ATAD3B: variants seen among roughly 807,000 people sequenced by gnomAD.
The protein encoded by ATAD3B is ATPase family AAA domain containing 3B, also known as ATPase family AAA domain-containing protein 3B.
ATAD3B carries 59 observed loss-of-function variants against 70.2 expected under a neutral mutation model. That is an observed-to-expected ratio of 0.84 (90% CI 0.68 to 1.04). The LOEUF (loss-of-function observed/expected upper bound fraction) is 1.04, where lower values mean the gene tolerates loss of function less well. Among genes scored for constraint, ATAD3B ranks in the 50% least tolerant of loss-of-function variants. The pLI is 0.00. For missense variants in ATAD3B, 961 were observed against 913.4 expected, an observed-to-expected ratio of 1.05 and a Z score of -0.67; for synonymous variants, 423 against 388.6, an observed-to-expected ratio of 1.09 and a Z score of -1.04.
intron 15 of ATAD3B, 132 bp from the exon 16 acceptor site, chr1:1,495,353 G>A (rs532472358): frequency 2.8e-5 from 36 of 1,272,946 alleles, no homozygotes; most frequent in Middle Eastern, 2.4e-4. Context: ...CCAAGGTGTG[G>A]GAAGCCTGTG....
Position 1,490,204 on chromosome 1 carries a change from G to A in ATAD3B, c.1338-53G>A, listed in dbSNP as rs146676843. 1.9e-3 allele frequency: 3,092 copies of A among 1,590,580 alleles called. 56 individuals are homozygous for A. The African/African-American group carries it at 0.036, about 19-fold the overall frequency. ...GGGCTGAGGAGCCCCCGTTGCCCTCGGGGCATCTCAGCTGGCAGCCCCAGC... is the reference window on the plus strand; with the variant it reads ...GGGCTGAGGAGCCCCCGTTGCCCTCAGGGCATCTCAGCTGGCAGCCCCAGC... On this transcript the variant is annotated intron_variant, in intron 13 of 15. Transcript: ENST00000673477.
At position 1,486,210 on chromosome 1, in the gene ATAD3B, G is replaced by A. The variant is rs933790079; in HGVS notation, c.1064G>A (p.Gly355Asp). The A allele has an allele frequency of 6.2e-7, 1 of 1,613,074 alleles. No homozygotes were observed. Among genetic ancestry groups the A allele is most frequent in the Non-Finnish European group, 8.5e-7 (1 of 1,179,652 alleles). The stretch of plus-strand genomic sequence containing the variant: ...CACATCCTGCTGTATGGGCCACCAG[G>A]CACCGGGAAGACGCTGTTTGCCAAG... ...YRHILLYGPP[G>D]TGKTLFAKKL... is the part of the protein sequence containing the mutation. The change falls in exon 10 of 16, where the codon GGC (glycine) becomes GAC (aspartate). Residue 355 changes from glycine to aspartate, a missense_variant. Physicochemically the swap from Gly to Asp is moderately conservative, Grantham distance 94. Coordinates refer to ENST00000673477, the MANE Select transcript of ATAD3B (RefSeq NM_031921.6).
chr1:1,503,360 C>G, the ATAD3B span: 46 of 538,828 alleles, frequency 8.5e-5, no homozygotes, highest in South Asian at 6.3e-5. Flanking sequence ...CTCTCCAAGA[C>G]CATCCCTGGA....
intron 11 of ATAD3B, among the ~76,000 whole-genome samples, chr1:1,487,545 G>A (rs1011509160): frequency 1.3e-4 from 20 of 151,714 alleles, no homozygotes; most frequent in Non-Finnish European, 2.7e-4. Flanking sequence ...GCACTGGGTC[G>A]CTGTGTGGGT....
intron 15 of ATAD3B, among the ~76,000 whole-genome samples, chr1:1,493,154 C>T (rs1477595348): frequency 6.6e-6 from 1 of 151,882 alleles, no homozygotes; most frequent in Non-Finnish European, 1.5e-5. Context: ...CACGGTGGCT[C>T]TTACATGTAG....
chr1:1,487,495 A>C (rs1640286409), intron 11 of ATAD3B, among the ~76,000 whole-genome samples: 2 of 151,568 alleles, frequency 1.3e-5, no homozygotes, highest in South Asian at 4.2e-4. Context: ...CTCAAAAAAA[A>C]AAAAAAAGAC....
intron 1 of ATAD3B, among the ~76,000 whole-genome samples, chr1:1,473,990 A>G (rs140237531): frequency 0.018 from 2,666 of 152,002 alleles, 62 homozygotes; most frequent in African/African-American, 0.029. Context: ...CCAGAGGGAC[A>G]TTCAGGTTTG....
At chr1:1,477,669 A>C (rs904218896) in intron 2 of ATAD3B, among the ~76,000 whole-genome samples, 1 of 148,692 alleles carries the variant, frequency 6.7e-6, no homozygotes, top group African/African-American at 2.6e-5. Flanking sequence ...CTTTTCACTC[A>C]GCAGGATTTT....
At chr1:1,490,085 G>A in intron 13 of ATAD3B, 172 bp from the exon 14 acceptor site, 1 of 1,422,748 alleles carries the variant, frequency 7.0e-7, no homozygotes, top group Non-Finnish European at 9.2e-7. Flanking sequence ...GGTGGGGCAG[G>A]CAGGCGGGTG....
At chr1:1,504,396 T>C in the ATAD3B span, among the ~76,000 whole-genome samples, 192 of 152,018 alleles carry the variant, frequency 1.3e-3, no homozygotes, top group Non-Finnish European at 2.1e-3. Context: ...ACACCTGTAA[T>C]CTCAGCTCTT....
the ATAD3B span, among the ~76,000 whole-genome samples, chr1:1,507,823 A>C: frequency 6.6e-6 from 1 of 152,212 alleles, no homozygotes; most frequent in Non-Finnish European, 1.5e-5. Context: ...CAACTTTTAC[A>C]GCTTGGAGAT....
At chr1:1,486,070 G>A in intron 9 of ATAD3B, 40 bp from the exon 10 acceptor site, 2 of 1,612,560 alleles carry the variant, frequency 1.2e-6, no homozygotes, top group Non-Finnish European at 1.7e-6. Flanking sequence ...GCTTCCGTGG[G>A]TGCAGAGTGT....
At chr1:1,501,497 C>T (rs865859912), downstream of ATAD3B, among the ~76,000 whole-genome samples, 8 of 152,032 alleles carry the variant, frequency 5.3e-5, no homozygotes, top group South Asian at 2.1e-4. Context: ...CTTCGTGATC[C>T]GCCCGCCTCG....
chr1:1,487,423 G>A (rs950400847), intron 11 of ATAD3B, among the ~76,000 whole-genome samples: 2 of 151,102 alleles, frequency 1.3e-5, no homozygotes, highest in East Asian at 2.0e-4. Context: ...GGGAGGCAGA[G>A]CCTGCAGTGA....
intron 1 of ATAD3B, among the ~76,000 whole-genome samples, chr1:1,475,193 G>A (rs1048848015): frequency 1.3e-5 from 2 of 149,884 alleles, no homozygotes; most frequent in African/African-American, 5.0e-5. Flanking sequence ...AGCGGGGCCC[G>A]GGGCAGGGTC....
chr1:1,499,117 G>C (rs1640884771), downstream of ATAD3B, among the ~76,000 whole-genome samples: 1 of 151,632 alleles, frequency 6.6e-6, no homozygotes, highest in African/African-American at 2.4e-5. Flanking sequence ...GACCACAGGT[G>C]CCCGCCACCA....
chr1:1,479,039 T>G lies in ATAD3B; in HGVS notation c.385-10T>G, dbSNP rs1330647613. 1.7e-6 allele frequency: 2 copies of G among 1,188,936 alleles called. No homozygotes were observed. The highest frequency in any genetic ancestry group is 2.3e-6 in the Non-Finnish European group (2 of 860,340). The allele number at this position is 1,188,936 out of a possible 1,614,324, so 73.6% of individuals were successfully genotyped here. A position where few individuals can be genotyped will look rare whatever the true frequency, so the allele number is the denominator to read the frequency against. ...CTGAGATGTGTCTTTGCCGCCCTCTTCTCCCCCAGAGGGCCCAGTATCAAG... is the reference window on the plus strand; with the variant it reads ...CTGAGATGTGTCTTTGCCGCCCTCTGCTCCCCCAGAGGGCCCAGTATCAAG... On this transcript the variant is annotated splice_polypyrimidine_tract_variant and intron_variant, in intron 3 of 15. Coordinates refer to ENST00000673477, the MANE Select transcript of ATAD3B (RefSeq NM_031921.6).
intron 15 of ATAD3B, among the ~76,000 whole-genome samples, chr1:1,495,087 G>A (rs1014716846): frequency 6.6e-6 from 1 of 152,058 alleles, no homozygotes; most frequent in African/African-American, 2.4e-5. Flanking sequence ...TGCCCTGGAG[G>A]CCTGTGAGGG....
Position 1,496,289 on chromosome 1 carries a change from AGAGG to A in ATAD3B, c.*473_*476del. ...TGGGGTCAAAGGTGACATAAGAGGCAGAGGCTGGAGCTTTCTGGAGAATTTACTG... is the reference window on the plus strand; with the variant it reads ...TGGGGTCAAAGGTGACATAAGAGGCACTGGAGCTTTCTGGAGAATTTACTG... On this transcript the variant is annotated 3_prime_UTR_variant, in exon 16 of 16. Transcript: ENST00000673477. 1.0e-6 allele frequency: 1 copy of A among 958,078 alleles called. No homozygotes were observed. The highest frequency in any genetic ancestry group is 1.2e-6 in the Non-Finnish European group (1 of 803,792). 59.3% of individuals were successfully genotyped at this position (958,078 alleles called of 1,614,324 possible).
Sources: allele counts gnomAD v4.1 joint callset (sites outside exome capture counted in the v4.1 genomes callset), GRCh38; gene constraint gnomAD v4.1.1; transcripts MANE v1.5; gene names NCBI Gene and HGNC (gene_info 2026-07-23, HGNC 2026-07-21).